PBX3: variants seen among roughly 807,000 people sequenced by gnomAD.
PBX3 encodes the protein pre-B-cell leukemia transcription factor 3.
Under a neutral mutation model 48.5 loss-of-function variants are expected in PBX3, and 14 were observed. The observed-to-expected ratio is 0.29, with a 90% confidence interval of 0.19 to 0.45. The LOEUF (loss-of-function observed/expected upper bound fraction) is 0.45, where lower values mean the gene tolerates loss of function less well. Ranked by LOEUF, PBX3 falls within the 20% of genes least tolerant of loss-of-function variation. PBX3 has a pLI of 1.00. For synonymous variants in PBX3, 210 were observed against 200.3 expected, an observed-to-expected ratio of 1.05 and a Z score of -0.41; for missense variants, 386 against 546.7, an observed-to-expected ratio of 0.71 and a Z score of 2.93.
At chr9:125,751,467 C>G (rs1028120337) in intron 2 of PBX3, among the ~76,000 whole-genome samples, 2 of 152,170 alleles carry the variant, frequency 1.3e-5, no homozygotes, top group Non-Finnish European at 2.9e-5. Context: ...TTTTTCCCTT[C>G]TGACAGATAA....
chr9:125,825,267 A>T (rs911528241), intron 2 of PBX3, among the ~76,000 whole-genome samples: 6 of 152,162 alleles, frequency 3.9e-5, no homozygotes, highest in Non-Finnish European at 8.8e-5. Context: ...CTGGGCAACA[A>T]AGTGAGACTC....
chr9:125,852,599 G>A (rs1440564717), intron 2 of PBX3, among the ~76,000 whole-genome samples: 1 of 152,138 alleles, frequency 6.6e-6, no homozygotes, highest in Non-Finnish European at 1.5e-5. Context: ...TGCACATCAA[G>A]GAGAGCTTGG....
chr9:125,958,569 T>C (rs1842359647), intron 5 of PBX3, among the ~76,000 whole-genome samples: 2 of 152,190 alleles, frequency 1.3e-5, no homozygotes, highest in Non-Finnish European at 2.9e-5. Flanking sequence ...CCATTAGGAC[T>C]ATCCAACAAT....
At chr9:125,763,888 ATAGAT>A (rs1399423719) in intron 2 of PBX3, among the ~76,000 whole-genome samples, 1 of 152,174 alleles carries the variant, frequency 6.6e-6, no homozygotes, top group Non-Finnish European at 1.5e-5. Flanking sequence ...TATGATAAGC[ATAGAT>A]TAGATAGATT....
At chr9:125,875,093 A>G (rs907133300) in intron 2 of PBX3, among the ~76,000 whole-genome samples, 8 of 152,262 alleles carry the variant, frequency 5.3e-5, no homozygotes, top group South Asian at 4.1e-4. Flanking sequence ...CTCCGTATCT[A>G]TCTCCCTGGC....
At chr9:125,889,161 G>C (rs1222074424) in intron 2 of PBX3, among the ~76,000 whole-genome samples, 1 of 152,200 alleles carries the variant, frequency 6.6e-6, no homozygotes, top group African/African-American at 2.4e-5. Flanking sequence ...AGGAACGTAG[G>C]CCTTAATTTC....
At chr9:125,943,850 G>A (rs570594837) in intron 5 of PBX3, among the ~76,000 whole-genome samples, 1 of 152,338 alleles carries the variant, frequency 6.6e-6, no homozygotes, top group African/African-American at 2.4e-5. Context: ...GGAAGGGTCA[G>A]TAGATCTCAA....
intron 2 of PBX3, among the ~76,000 whole-genome samples, chr9:125,858,220 C>T (rs1426471260): frequency 6.6e-6 from 1 of 152,150 alleles, no homozygotes; most frequent in South Asian, 2.1e-4. Context: ...AAAAAATTAT[C>T]TGAGCGTAGT....
intron 2 of PBX3, among the ~76,000 whole-genome samples, chr9:125,910,431 C>T (rs1287005261): frequency 2.6e-5 from 4 of 151,856 alleles, no homozygotes; most frequent in African/African-American, 9.7e-5. Context: ...AGTGATTATT[C>T]GGTTTGAATG....
At chr9:125,754,428 TAA>T (rs373435722) in intron 2 of PBX3, among the ~76,000 whole-genome samples, 28 of 152,100 alleles carry the variant, frequency 1.8e-4, no homozygotes, top group Admixed American at 1.5e-3. Flanking sequence ...TATAAATTGG[TAA>T]AAGTTTTTCA....
intron 2 of PBX3, among the ~76,000 whole-genome samples, chr9:125,903,430 A>G (rs1840996999): frequency 2.0e-5 from 3 of 151,846 alleles, no homozygotes; most frequent in Admixed American, 2.0e-4. Context: ...TTTCATCAGT[A>G]TATCTTGATG....
rs760985998 is a variant in PBX3 at position 125,962,106 on chromosome 9, T to C, written c.1014T>C (p.Ser338=). 3.2e-6 allele frequency: 5 copies of C among 1,562,208 alleles called. 1 individual carries two copies. The South Asian group carries it at 4.4e-5, about 14-fold the overall frequency. Residue 338 remains serine (S), a synonymous_variant, in exon 7 of 9, where the codon TCT becomes TCC. Coordinates refer to ENST00000373489, the MANE Select transcript of PBX3 (RefSeq NM_006195.6). ...TNSPTTPNSG[S]SGSFNLPNSG... is the part of the protein sequence containing the mutation. ...ACTTAACTCTTTCCTTTCCAGGTTC[T>C]TCTGGTTCTTTTAACCTCCCAAATT...
intron 2 of PBX3, among the ~76,000 whole-genome samples, chr9:125,830,806 G>A (rs6478713): frequency 0.71 from 107,527 of 151,854 alleles, 38,602 homozygotes; most frequent in African/African-American, 0.8. Flanking sequence ...GTGTAGAGCT[G>A]CGATTCAAAC....
intron 2 of PBX3, among the ~76,000 whole-genome samples, chr9:125,899,330 T>TCAA (rs1840869884): frequency 1.1e-5 from 1 of 91,312 alleles, no homozygotes; most frequent in South Asian, 2.7e-4. Context: ...TTTATATAAA[T>TCAA]ATATACATAT....
intron 3 of PBX3, among the ~76,000 whole-genome samples, chr9:125,928,222 A>T (rs1001085854): frequency 2.0e-5 from 3 of 151,846 alleles, no homozygotes; most frequent in African/African-American, 4.8e-5. Flanking sequence ...TAAAAAATAC[A>T]TAAAAAATTA....
At chr9:125,807,983 AT>A (rs1838176766) in intron 2 of PBX3, among the ~76,000 whole-genome samples, 1 of 152,232 alleles carries the variant, frequency 6.6e-6, no homozygotes, top group Admixed American at 6.5e-5. Context: ...GGGTGAATGA[AT>A]TAAGTCCACT....
intron 4 of PBX3, among the ~76,000 whole-genome samples, chr9:125,934,023 C>T (rs1038338147): frequency 2.0e-5 from 3 of 152,110 alleles, no homozygotes; most frequent in African/African-American, 7.2e-5. Context: ...CCGTTCCTTC[C>T]CTGTCTTCCC....
At chr9:125,851,484 C>T (rs2132260723) in intron 2 of PBX3, among the ~76,000 whole-genome samples, 1 of 152,114 alleles carries the variant, frequency 6.6e-6, no homozygotes, top group East Asian at 1.9e-4. Flanking sequence ...ACCCCACAGG[C>T]CATTAGGAGA....
At chr9:125,837,919 T>C (rs1169660041) in intron 2 of PBX3, among the ~76,000 whole-genome samples, 2 of 152,214 alleles carry the variant, frequency 1.3e-5, no homozygotes, top group African/African-American at 4.8e-5. Flanking sequence ...GTTTTGTTGG[T>C]CTTTTTTCAA....
Sources: allele counts gnomAD v4.1 joint callset (sites outside exome capture counted in the v4.1 genomes callset), GRCh38; gene constraint gnomAD v4.1.1; transcripts MANE v1.5; gene names NCBI Gene and HGNC (gene_info 2026-07-23, HGNC 2026-07-21).